The following CTNNA3 variants were observed in gnomAD, a reference collection of about 807,000 sequenced individuals.
CTNNA3 encodes the protein catenin alpha 3.
CTNNA3 carries 76 observed loss-of-function variants against 95.7 expected under a neutral mutation model. The observed-to-expected ratio is 0.79, with a 90% CI of 0.66 to 0.96. The LOEUF (loss-of-function observed/expected upper bound fraction) is 0.96, where lower values mean the gene tolerates loss of function less well. Among genes scored for constraint, CTNNA3 ranks in the 40% least tolerant of loss-of-function variants. The pLI is 0.00. For synonymous variants in CTNNA3, 431 were observed against 374.4 expected (o/e 1.15, Z -1.74); for missense variants, 1,191 against 1,089.8 (o/e 1.09, Z -1.31).
intron 13 of CTNNA3, among the ~76,000 whole-genome samples, chr10:66,204,756 T>C (rs7910869): frequency 0.22 from 32,954 of 152,166 alleles, 3,831 homozygotes; most frequent in Admixed American, 0.28. Flanking sequence ...CTCCTCTTAC[T>C]AGTCTGAGTA....
intron 7 of CTNNA3, among the ~76,000 whole-genome samples, chr10:66,933,954 G>GT (rs1181366725): frequency 1.3e-5 from 2 of 152,054 alleles, no homozygotes; most frequent in African/African-American, 4.8e-5. Flanking sequence ...GAGGATGATG[G>GT]TTTTTCAGGT....
chr10:67,379,897 T>C lies in CTNNA3; in HGVS notation c.579+141945A>G, dbSNP rs1342886018. 4.0e-5 allele frequency among the ~76,000 whole-genome samples: 6 copies of C among 150,496 alleles called. No individual in the cohort carries two copies. The South Asian group carries it at 1.3e-3, about 32-fold the overall frequency. On this transcript the variant is annotated intron_variant, in intron 5 of 17. Transcript: ENST00000433211. ...TTAGCCGGGCGTAGTGGCGGGCGCCTGTAGTCCCAGCTACTTGGGAGGCTG... is the reference window on the plus strand; with the variant it reads ...TTAGCCGGGCGTAGTGGCGGGCGCCCGTAGTCCCAGCTACTTGGGAGGCTG...
At chr10:65,988,595 TG>T (rs1225015868) in intron 16 of CTNNA3, 96 bp downstream of exon 16, 10 of 876,562 alleles carry the variant, frequency 1.1e-5, no homozygotes, top group Non-Finnish European at 1.8e-5. Context: ...AAAAAATGGT[TG>T]AAGAGAGTAA....
At chr10:66,445,795 CT>C (rs1564971259) in intron 11 of CTNNA3, among the ~76,000 whole-genome samples, 12 of 152,020 alleles carry the variant, frequency 7.9e-5, no homozygotes, top group African/African-American at 2.9e-4. Flanking sequence ...CATTCAAAAG[CT>C]AGCAGAAGGC....
intron 10 of CTNNA3, among the ~76,000 whole-genome samples, chr10:66,557,150 T>A (rs1470800479): frequency 1.3e-5 from 2 of 152,074 alleles, no homozygotes; most frequent in Non-Finnish European, 2.9e-5. Flanking sequence ...ACATACATTC[T>A]CTATTTTTTG....
At chr10:67,212,434 T>A (rs1478030921) in intron 6 of CTNNA3, among the ~76,000 whole-genome samples, 1 of 151,994 alleles carries the variant, frequency 6.6e-6, no homozygotes, top group East Asian at 1.9e-4. Flanking sequence ...TGAATTCTTA[T>A]ACGGCTTGCT....
At chr10:66,582,548 A>G (rs1238360629) in intron 10 of CTNNA3, among the ~76,000 whole-genome samples, 2 of 151,734 alleles carry the variant, frequency 1.3e-5, no homozygotes, top group African/African-American at 4.8e-5. Flanking sequence ...AAGAATCCTT[A>G]GGGCTTTCTA....
chr10:66,057,437 T>G (rs1284452970), intron 15 of CTNNA3, among the ~76,000 whole-genome samples: 1 of 152,188 alleles, frequency 6.6e-6, no homozygotes, highest in Non-Finnish European at 1.5e-5. Flanking sequence ...CCCAGTTAAT[T>G]TTAATAAACA....
chr10:66,655,719 G>A (rs1405366784), intron 9 of CTNNA3, among the ~76,000 whole-genome samples: 1 of 152,040 alleles, frequency 6.6e-6, no homozygotes, highest in Non-Finnish European at 1.5e-5. Context: ...AGAGGGTGAA[G>A]CGGGTGAAAG....
intron 5 of CTNNA3, among the ~76,000 whole-genome samples, chr10:67,424,027 T>C (rs551233190): frequency 6.6e-6 from 1 of 152,202 alleles, no homozygotes; most frequent in African/African-American, 2.4e-5. Flanking sequence ...AAAGAATCAA[T>C]AAATACTCAA....
At chr10:66,172,866 T>C (rs1483702111) in intron 13 of CTNNA3, among the ~76,000 whole-genome samples, 2 of 152,036 alleles carry the variant, frequency 1.3e-5, no homozygotes, top group Non-Finnish European at 2.9e-5. Flanking sequence ...ACAACAACAA[T>C]AAAAACAACT....
intron 11 of CTNNA3, among the ~76,000 whole-genome samples, chr10:66,405,286 G>A (rs1288708354): frequency 6.6e-6 from 1 of 152,042 alleles, no homozygotes; most frequent in African/African-American, 2.4e-5. Context: ...TGGTTGTGGT[G>A]TTAAATTATG....
At position 66,968,923 on chromosome 10, in the gene CTNNA3, A is replaced by T. The variant is rs1849577718; in HGVS notation, c.1048-193399T>A. ...TCCTAGCTGCTGGGGGCGCTGAGGC[A>T]GGAGAATTGCTTGAACCCAGGAAGC... On this transcript the variant is annotated intron_variant, in intron 7 of 17. Coordinates refer to ENST00000433211, the MANE Select transcript of CTNNA3 (RefSeq NM_013266.4). Among the ~76,000 whole-genome samples the T allele has an allele frequency of 3.9e-5, 6 of 152,062 alleles. No homozygotes were observed. The South Asian group carries it at 1.2e-3, about 32-fold the overall frequency.
chr10:67,160,785 T>A (rs1861506833), intron 7 of CTNNA3, among the ~76,000 whole-genome samples: 1 of 152,174 alleles, frequency 6.6e-6, no homozygotes, highest in African/African-American at 2.4e-5. Context: ...AACCTAAATG[T>A]TCATCACCAG....
chr10:67,515,150 T>C (rs1839772705), intron 5 of CTNNA3, among the ~76,000 whole-genome samples: 1 of 152,190 alleles, frequency 6.6e-6, no homozygotes, highest in African/African-American at 2.4e-5. Context: ...CATTTTAAAA[T>C]AAAGGCAAGT....
chr10:67,441,002 A>G (rs536625853), intron 5 of CTNNA3, among the ~76,000 whole-genome samples: 1 of 152,288 alleles, frequency 6.6e-6, no homozygotes, highest in East Asian at 1.9e-4. Flanking sequence ...GGTGACCTTT[A>G]AGAGAGAGAA....
At chr10:67,702,655 A>G (rs945535184) in intron 1 of CTNNA3, among the ~76,000 whole-genome samples, 77 of 152,240 alleles carry the variant, frequency 5.1e-4, no homozygotes, top group African/African-American at 1.7e-3. Context: ...ATAGCACTAA[A>G]TGCCCACAAG....
At chr10:67,259,264 T>G (rs1181262316) in intron 5 of CTNNA3, among the ~76,000 whole-genome samples, 2 of 152,194 alleles carry the variant, frequency 1.3e-5, no homozygotes, top group African/African-American at 4.8e-5. Flanking sequence ...ATAATCACTC[T>G]TTAAGTGTAT....
At chr10:66,079,816 A>C (rs1212730443) in intron 14 of CTNNA3, among the ~76,000 whole-genome samples, 1 of 152,076 alleles carries the variant, frequency 6.6e-6, no homozygotes, top group Non-Finnish European at 1.5e-5. Flanking sequence ...TGGCAAAGAA[A>C]ATATAAAATC....
Sources: gnomAD v4.1 joint callset for allele counts (sites outside exome capture counted in the v4.1 genomes callset) on GRCh38, gnomAD v4.1.1 for gene constraint, MANE v1.5 for transcripts, NCBI Gene and HGNC (gene_info 2026-07-23, HGNC 2026-07-21) for gene names.